The following ANO6 variants were observed in gnomAD, a reference collection of about 807,000 sequenced individuals.
ANO6 encodes the protein anoctamin 6, also known as anoctamin-6.
Under a neutral mutation model 117.5 loss-of-function variants are expected in ANO6, and 106 were observed. The observed-to-expected ratio is 0.90, with a 90% CI of 0.77 to 1.06. The LOEUF (loss-of-function observed/expected upper bound fraction) is 1.06, where lower values mean the gene tolerates loss of function less well. ANO6 is among the 50% of genes least tolerant of loss of function. ANO6 has a pLI of 0.00. For synonymous variants in ANO6, 367 were observed against 385.1 expected (o/e 0.95, Z 0.55); for missense variants, 955 against 1,121.1 (o/e 0.85, Z 2.12).
intron 1 of ANO6, among the ~76,000 whole-genome samples, chr12:45,257,198 G>T (rs1190106102): frequency 6.6e-6 from 1 of 152,168 alleles, no homozygotes; most frequent in Non-Finnish European, 1.5e-5. Context: ...GTTGGCTTCT[G>T]TTCTCACATT....
In ANO6 at chr12:45,429,661, C is replaced by T. The variant is rs1943589149; in HGVS notation, c.*350C>T. On this transcript the variant is annotated 3_prime_UTR_variant, in exon 20 of 20. Coordinates refer to ENST00000320560, the MANE Select transcript of ANO6 (RefSeq NM_001025356.3). ...GATTATTTTCATTTCTGTCTATTCT[C>T]AGGCGCATGATCTCCTTTATTTTTA... 1.8e-6 allele frequency: 2 copies of T among 1,142,798 alleles called. No homozygotes were observed. Among genetic ancestry groups the T allele is most frequent in the Non-Finnish European group, 2.2e-6 (2 of 924,628 alleles). The allele number at this position is 1,142,798 out of a possible 1,614,324, so 70.8% of individuals were successfully genotyped here.
At chr12:45,259,489 G>A (rs1360913061) in intron 1 of ANO6, among the ~76,000 whole-genome samples, 7 of 152,186 alleles carry the variant, frequency 4.6e-5, no homozygotes, top group African/African-American at 1.7e-4. Context: ...AGAAACTGAT[G>A]TGAAGACAAA....
chr12:45,244,467 C>T (rs1376332291), intron 1 of ANO6, among the ~76,000 whole-genome samples: 12 of 151,558 alleles, frequency 7.9e-5, no homozygotes, highest in Non-Finnish European at 1.6e-4. Context: ...TGTTGAATCC[C>T]CTCAACTGTA....
rs566228264 is a variant in ANO6 at position 45,340,489 on chromosome 12, G to A, written c.280-6533G>A. 2.0e-5 allele frequency among the ~76,000 whole-genome samples: 3 copies of A among 152,180 alleles called. No homozygotes were observed. The East Asian group carries it at 5.8e-4, about 29-fold the overall frequency. On this transcript the variant is annotated intron_variant, in intron 3 of 19. Coordinates refer to ENST00000320560, the MANE Select transcript of ANO6 (RefSeq NM_001025356.3). ...AGAGATGTACACATTTACAACACAG[G>A]TTAATTTATGACTAGCCTTTTTTGT...
chr12:45,365,827 G>A lies in ANO6; in HGVS notation c.999-1861G>A, dbSNP rs117857946. 9.1e-3 allele frequency among the ~76,000 whole-genome samples: 1,379 copies of A among 152,272 alleles called. 9 individuals are homozygous for A. Among genetic ancestry groups the A allele is most frequent in the Non-Finnish European group, 0.012 (812 of 68,020 alleles). ...GATGACATCAAGCACTTGCTCCTCA[G>A]ATGACATGAAGCACTTGCTCCTCAG... On this transcript the variant is annotated intron_variant, in intron 8 of 19. Coordinates refer to ENST00000320560, the MANE Select transcript of ANO6 (RefSeq NM_001025356.3).
At chr12:45,223,977 G>A (rs1035698018) in intron 1 of ANO6, among the ~76,000 whole-genome samples, 1 of 152,112 alleles carries the variant, frequency 6.6e-6, no homozygotes. Context: ...TTCTTCTGTG[G>A]CACTTTGAGA....
At chr12:45,357,216 C>T in intron 7 of ANO6, 74 bp from the exon 8 acceptor site, 1 of 1,539,070 alleles carries the variant, frequency 6.5e-7, no homozygotes, top group Admixed American at 1.7e-5. Context: ...TATTTAAAAT[C>T]AGAAATTAAT....
intron 12 of ANO6, among the ~76,000 whole-genome samples, chr12:45,400,571 G>T (rs1293542355): frequency 1.3e-5 from 2 of 152,156 alleles, no homozygotes; most frequent in Non-Finnish European, 2.9e-5. Context: ...TGCTTTTCAT[G>T]TATCTGAGCT....
At chr12:45,272,571 C>G (rs1938427542) in intron 1 of ANO6, among the ~76,000 whole-genome samples, 1 of 152,122 alleles carries the variant, frequency 6.6e-6, no homozygotes, top group African/African-American at 2.4e-5. Context: ...ACATTATTAA[C>G]TATGAGCGTT....
intron 12 of ANO6, among the ~76,000 whole-genome samples, chr12:45,395,274 T>A (rs1438565298): frequency 6.6e-6 from 1 of 152,040 alleles, no homozygotes; most frequent in Non-Finnish European, 1.5e-5. Flanking sequence ...ACATACACCC[T>A]CCCAACACTA....
rs147961009 is a variant in ANO6 at position 45,365,350 on chromosome 12, C to A, written c.999-2338C>A. Among the ~76,000 whole-genome samples, 11 of 152,312 alleles carry A rather than the reference C, an allele frequency of 7.2e-5. No individual in the cohort carries two copies. The East Asian group carries it at 2.1e-3, about 29-fold the overall frequency. ...AGGAATATGTTGGAGCTTTTTAGAG[C>A]CCCCTGTGCACATCTCATTTCCTAA... On this transcript the variant is annotated intron_variant, in intron 8 of 19. Coordinates refer to ENST00000320560, the MANE Select transcript of ANO6 (RefSeq NM_001025356.3).
At chr12:45,415,693 G>C (rs1035838608) in intron 16 of ANO6, among the ~76,000 whole-genome samples, 6 of 152,328 alleles carry the variant, frequency 3.9e-5, no homozygotes, top group African/African-American at 1.4e-4. Context: ...AGCCCTGTCT[G>C]CTCTTCTGCA....
chr12:45,229,680 G>C (rs1413971671), intron 1 of ANO6, among the ~76,000 whole-genome samples: 1 of 149,980 alleles, frequency 6.7e-6, no homozygotes, highest in African/African-American at 2.4e-5. Flanking sequence ...GAGCCACTGC[G>C]CCCAGCCTTA....
chr12:45,403,857 A>T (rs544344099), intron 15 of ANO6, among the ~76,000 whole-genome samples: 1 of 152,314 alleles, frequency 6.6e-6, no homozygotes, highest in East Asian at 1.9e-4. Context: ...TAGAGCTGTG[A>T]ACTGTGTATT....
At chr12:45,417,657 AC>A (rs1943248697) in intron 17 of ANO6, among the ~76,000 whole-genome samples, 1 of 152,180 alleles carries the variant, frequency 6.6e-6, no homozygotes, top group Non-Finnish European at 1.5e-5. Context: ...CCATTAGAGG[AC>A]CACCTTCCCA....
At chr12:45,264,678 G>A (rs1938157255) in intron 1 of ANO6, among the ~76,000 whole-genome samples, 1 of 152,132 alleles carries the variant, frequency 6.6e-6, no homozygotes, top group Admixed American at 6.5e-5. Flanking sequence ...ACATATTTAT[G>A]TAAATACAAA....
At position 45,347,231 on chromosome 12, in the gene ANO6, G is replaced by T. The variant is rs117914094; in HGVS notation, c.345+144G>T. The T allele has an allele frequency of 3.9e-3, 2,983 of 764,716 alleles. 112 individuals carry two copies. In the East Asian group the frequency reaches 0.072, roughly 18 times the overall value. 47.4% of individuals were successfully genotyped at this position (764,716 alleles called of 1,614,324 possible). A position where few individuals can be genotyped will look rare whatever the true frequency, so the allele number is the denominator to read the frequency against. On this transcript the variant is annotated intron_variant, in intron 4 of 19. Coordinates refer to ENST00000320560, the MANE Select transcript of ANO6 (RefSeq NM_001025356.3). ...CTGGGAGAGGAGTCAATCAAAATCTGCATTGTGTAGGATGTATTCTTTTTT... is the reference window on the plus strand; with the variant it reads ...CTGGGAGAGGAGTCAATCAAAATCTTCATTGTGTAGGATGTATTCTTTTTT...
chr12:45,224,706 T>C (rs1385649039), intron 1 of ANO6, among the ~76,000 whole-genome samples: 1 of 152,234 alleles, frequency 6.6e-6, no homozygotes, highest in Non-Finnish European at 1.5e-5. Context: ...TTAATTTGTA[T>C]TTTAGCTGTA....
chr12:45,222,319 C>A (rs1242135029), intron 1 of ANO6, among the ~76,000 whole-genome samples: 1 of 152,064 alleles, frequency 6.6e-6, no homozygotes, highest in African/African-American at 2.4e-5. Context: ...CACCACTGTG[C>A]CCGGCTAATT....
Sources: allele counts gnomAD v4.1 joint callset (sites outside exome capture counted in the v4.1 genomes callset), GRCh38; gene constraint gnomAD v4.1.1; transcripts MANE v1.5; gene names NCBI Gene and HGNC (gene_info 2026-07-23, HGNC 2026-07-21).